FAP: variants seen among roughly 807,000 people sequenced by gnomAD.
FAP encodes fibroblast activation protein alpha, also known as prolyl endopeptidase FAP.
A neutral mutation model predicts 126.5 loss-of-function variants in FAP; 110 were observed. The ratio of observed to expected loss-of-function variants is 0.87; its 90% CI spans 0.74 to 1.02. The LOEUF is 1.02. FAP is among the 50% of genes least tolerant of loss of function. The pLI is 0.00. For missense variants in FAP, 919 were observed against 909.2 expected, an observed-to-expected ratio of 1.01 and a Z score of -0.14; for synonymous variants, 334 against 297.3, an observed-to-expected ratio of 1.12 and a Z score of -1.27.
intron 2 of FAP, among the ~76,000 whole-genome samples, chr2:162,233,881 T>A (rs187663451): frequency 5.3e-5 from 8 of 152,326 alleles, no homozygotes; most frequent in African/African-American, 1.9e-4. Context: ...TTTGAGTTAA[T>A]TTTTGTGTGT....
At chr2:162,208,861 T>C (rs1212261622) in intron 12 of FAP, among the ~76,000 whole-genome samples, 1 of 151,652 alleles carries the variant, frequency 6.6e-6, no homozygotes, top group Admixed American at 6.6e-5. Context: ...TTATCTTTAT[T>C]ATCTTGTTAC....
intron 21 of FAP, 142 bp downstream of exon 21, chr2:162,183,272 A>C (rs1405191448): frequency 1.4e-6 from 1 of 738,066 alleles, no homozygotes. Context: ...TGAAGCCCAG[A>C]TTATCCAAAC....
Position 162,192,411 on chromosome 2 carries a change from C to T in FAP, c.1450+2290G>A, listed in dbSNP as rs1688081309. On this transcript the variant is annotated intron_variant, in intron 17 of 25. Transcript: ENST00000188790. Reference sequence around the variant, plus strand: ...CCCCTGCTTTCCACAATACCATACTCTCAAGTTTATCCCCCTCCTTCTGTT... The same window carrying T: ...CCCCTGCTTTCCACAATACCATACTTTCAAGTTTATCCCCCTCCTTCTGTT... Among the ~76,000 whole-genome samples, 3 of 152,070 alleles carry T rather than the reference C, an allele frequency of 2.0e-5. 1 individual carries two copies. The highest frequency in any genetic ancestry group is 4.1e-4 in the South Asian group (2 of 4,830).
intron 9 of FAP, among the ~76,000 whole-genome samples, chr2:162,216,238 C>A (rs947998011): frequency 6.6e-6 from 1 of 152,104 alleles, no homozygotes; most frequent in African/African-American, 2.4e-5. Context: ...AATGAGAGAG[C>A]TTTAAAATTT....
chr2:162,234,846 G>C (rs1690042101), intron 2 of FAP, among the ~76,000 whole-genome samples: 1 of 152,144 alleles, frequency 6.6e-6, no homozygotes, highest in African/African-American at 2.4e-5. Context: ...TTGGCTTGCG[G>C]GGAGGTGTGG....
chr2:162,213,757 A>G (rs573469065), intron 11 of FAP, among the ~76,000 whole-genome samples, 181 bp downstream of exon 11: 1 of 152,342 alleles, frequency 6.6e-6, no homozygotes, highest in African/African-American at 2.4e-5. Flanking sequence ...AGAAAATAAA[A>G]GGTATCCTAT....
At chr2:162,218,608 G>A (rs1375527579) in intron 8 of FAP, among the ~76,000 whole-genome samples, 1 of 149,082 alleles carries the variant, frequency 6.7e-6, no homozygotes, top group African/African-American at 2.5e-5. Context: ...TAGATAAATA[G>A]ATAGAGACTA....
intron 20 of FAP, among the ~76,000 whole-genome samples, chr2:162,183,801 T>C (rs1479391958): frequency 6.6e-6 from 1 of 152,114 alleles, no homozygotes; most frequent in Admixed American, 6.5e-5. Flanking sequence ...AGCAGCAGCA[T>C]TGAGCAGGAC....
At chr2:162,187,448 C>A (rs1005850784) in intron 20 of FAP, among the ~76,000 whole-genome samples, 3 of 151,988 alleles carry the variant, frequency 2.0e-5, no homozygotes, top group Admixed American at 2.0e-4. Flanking sequence ...ATAATGAAAC[C>A]CAACAACTAT....
intron 2 of FAP, among the ~76,000 whole-genome samples, chr2:162,239,858 T>C (rs898112309): frequency 3.1e-4 from 47 of 152,306 alleles, no homozygotes; most frequent in African/African-American, 1.1e-3. Flanking sequence ...ATTCAGAAAA[T>C]ATAAATCATG....
At chr2:162,224,693 A>G (rs1262262322) in intron 4 of FAP, among the ~76,000 whole-genome samples, 153 bp from the exon 5 acceptor site, 1 of 152,202 alleles carries the variant, frequency 6.6e-6, no homozygotes, top group Admixed American at 6.5e-5. Flanking sequence ...ACTTAACTAT[A>G]ATTCAAAGAA....
At position 162,188,303 on chromosome 2, in the gene FAP, A is replaced by G; in HGVS notation, c.1680T>C (p.Tyr560=). 1 of 1,613,394 alleles carries G rather than the reference A, an allele frequency of 6.2e-7. No individual in the cohort carries two copies. The highest frequency in any genetic ancestry group is 8.5e-7 in the Non-Finnish European group (1 of 1,179,552). The change falls in exon 20 of 26, where the codon TAT becomes TAC. Residue 560 remains tyrosine, a synonymous_variant. Transcript: ENST00000188790. ...TGACCATCCCTTCCTTACTTGCAAG[A>G]TAAGATATCCAATTAACAGCAAATA... ...RSVFAVNWIS[Y]LASKEGMVIA...
intron 16 of FAP, chr2:162,198,069 A>C: frequency 1.2e-6 from 1 of 868,124 alleles, no homozygotes; most frequent in Non-Finnish European, 1.5e-6. Context: ...ACATAAAATA[A>C]AATTATATGG....
intron 15 of FAP, among the ~76,000 whole-genome samples, chr2:162,199,222 G>A (rs73012922): frequency 0.017 from 2,563 of 152,200 alleles, 62 homozygotes; most frequent in African/African-American, 0.058. Context: ...ATAGTTCTTC[G>A]TCTTTCTATC....
At chr2:162,230,944 C>G (rs1029814957) in intron 2 of FAP, among the ~76,000 whole-genome samples, 1 of 152,144 alleles carries the variant, frequency 6.6e-6, no homozygotes, top group Non-Finnish European at 1.5e-5. Context: ...GCCTGCAGAG[C>G]AATCCATATG....
In FAP at chr2:162,173,206, C is replaced by A. The variant is rs764606551; in HGVS notation, c.2050G>T (p.Ala684Ser). Residue 684 changes from alanine (A) to serine (S), a missense_variant, in exon 24 of 26, where the codon GCA becomes TCA. Ala to Ser is a moderately conservative substitution (Grantham distance 99, BLOSUM62 1). Coordinates refer to ENST00000188790, the MANE Select transcript of FAP (RefSeq NM_004460.5). ...LEHYKNSTVM[A>S]RAEYFRNVDY... ...ACATTTCTGAAATATTCTGCTCTTG[C>A]CATCACAGTTGAATTCTGGAAAAGA... 3.7e-6 allele frequency: 6 copies of A among 1,612,856 alleles called. No homozygotes were observed. The highest frequency in any genetic ancestry group is 2.2e-5 in the East Asian group (1 of 44,866).
At chr2:162,173,589 G>C (rs567522839) in intron 23 of FAP, 134 bp downstream of exon 23, 1 of 672,402 alleles carries the variant, frequency 1.5e-6, no homozygotes, top group South Asian at 1.9e-5. Context: ...TTCTAGTGAT[G>C]TGTTTTGCAA....
chr2:162,235,372 G>A (rs1690084604), intron 2 of FAP, among the ~76,000 whole-genome samples: 1 of 152,210 alleles, frequency 6.6e-6, no homozygotes, highest in African/African-American at 2.4e-5. Flanking sequence ...AGGCCAGCTG[G>A]GCTCCTGAGG....
At chr2:162,190,235 T>C (rs1687990341) in intron 17 of FAP, among the ~76,000 whole-genome samples, 1 of 152,094 alleles carries the variant, frequency 6.6e-6, no homozygotes, top group African/African-American at 2.4e-5. Context: ...ATTATTTCTG[T>C]GATTTTTAAA....
Sources: allele counts gnomAD v4.1 joint callset (sites outside exome capture counted in the v4.1 genomes callset), GRCh38; gene constraint gnomAD v4.1.1; transcripts MANE v1.5; gene names NCBI Gene and HGNC (gene_info 2026-07-23, HGNC 2026-07-21).